The following MEP1A variants were observed in gnomAD, a reference collection of about 807,000 sequenced individuals.
MEP1A encodes meprin A subunit alpha, also known as N-benzoyl-L-tyrosyl-P-amino-benzoic acid hydrolase subunit alpha.
Under a neutral mutation model 84.5 loss-of-function variants are expected in MEP1A, and 68 were observed. That is an observed-to-expected ratio of 0.80 (90% CI 0.66 to 0.98). The LOEUF is 0.98. MEP1A is among the 50% of genes least tolerant of loss of function. The pLI, the probability that MEP1A is intolerant of heterozygous loss-of-function variation, is 0.00. For missense variants in MEP1A, 887 were observed against 919.9 expected, an observed-to-expected ratio of 0.96 and a Z score of 0.46; for synonymous variants, 337 against 336.8, an observed-to-expected ratio of 1.00 and a Z score of -0.01.
rs962804327 is a variant in MEP1A, at chr6:46,835,236, C to T, written c.1784-13C>T. 2 of 1,573,156 alleles carry T rather than the reference C, an allele frequency of 1.3e-6. No individual in the cohort carries two copies. The highest frequency in any genetic ancestry group is 2.7e-5 in the African/African-American group (2 of 72,988). On this transcript the variant is annotated splice_polypyrimidine_tract_variant and intron_variant, in intron 12 of 13. Transcript: ENST00000230588. ...AATCCTGGATCTTCCTCATGACTCTCTATTTCCTGAAGATATCACCCACCT... is the reference window on the plus strand; with the variant it reads ...AATCCTGGATCTTCCTCATGACTCTTTATTTCCTGAAGATATCACCCACCT...
chr6:46,823,447 A>T (rs1767829603), intron 7 of MEP1A, among the ~76,000 whole-genome samples: 1 of 152,180 alleles, frequency 6.6e-6, no homozygotes, highest in South Asian at 2.1e-4. Flanking sequence ...CCTCATCTCT[A>T]CTAAAAATTA....
intron 11 of MEP1A, 143 bp from the exon 12 acceptor site, chr6:46,834,435 A>ATGTT (rs949804926): frequency 5.0e-6 from 1 of 200,636 alleles, no homozygotes; most frequent in Admixed American, 6.2e-5. Flanking sequence ...TTTTATTTTT[A>ATGTT]TATTTATTTA....
chr6:46,842,173 T>C (rs1768342577), downstream of MEP1A, among the ~76,000 whole-genome samples: 6 of 152,200 alleles, frequency 3.9e-5, no homozygotes, highest in South Asian at 1.2e-3. Context: ...ACCATTATTG[T>C]ACAAATAGAT....
At chr6:46,798,159 G>T (rs1462254044) in intron 3 of MEP1A, among the ~76,000 whole-genome samples, 3 of 151,882 alleles carry the variant, frequency 2.0e-5, no homozygotes, top group African/African-American at 7.3e-5. Context: ...GTAGAGACAG[G>T]GTTTTACCAT....
intron 13 of MEP1A, among the ~76,000 whole-genome samples, chr6:46,837,219 T>A (rs952826640): frequency 6.6e-6 from 1 of 152,228 alleles, no homozygotes; most frequent in African/African-American, 2.4e-5. Flanking sequence ...ACCCCGTTAA[T>A]TTGTTTATGT....
rs1415873643 is a variant in MEP1A, at chr6:46,826,398, A to G, written c.823A>G (p.Asn275Asp). ...LLDHCTFEKA[N>D]ICGMIQGTRD... ...GGACCACTGTACTTTTGAGAAGGCA[A>G]ACATCTGTGGAATGATTCAGGGCAC... Residue 275 changes from asparagine (N) to aspartate (D), a missense_variant, in exon 9 of 14, where the codon AAC (asparagine) becomes GAC (aspartate). By Grantham distance (23) the Asn-to-Asp change is conservative (BLOSUM62 1). Coordinates refer to ENST00000230588, the MANE Select transcript of MEP1A (RefSeq NM_005588.3). 1.9e-6 allele frequency: 3 copies of G among 1,610,116 alleles called. No individual in the cohort carries two copies. The highest frequency in any genetic ancestry group is 1.3e-5 in the African/African-American group (1 of 74,884).
chr6:46,822,021 C>A (rs961635252), intron 7 of MEP1A, among the ~76,000 whole-genome samples: 3 of 152,204 alleles, frequency 2.0e-5, no homozygotes, highest in Non-Finnish European at 2.9e-5. Flanking sequence ...CAATGTAATT[C>A]TCTCCCAATG....
In MEP1A at chr6:46,835,443, C is replaced by A. The variant is rs774580821; in HGVS notation, c.1978C>A (p.Pro660Thr). Residue 660 changes from proline (P) to threonine (T), a missense_variant, in exon 13 of 14, where the codon CCC (proline) becomes ACC (threonine). Transcript: ENST00000230588. Reference sequence around the variant, plus strand: ...GAAGCGGTCGGTGGAGAACACAGGCCCCCTGGAGGACCATAACTGGCCACA... The same window carrying A: ...GAAGCGGTCGGTGGAGAACACAGGCACCCTGGAGGACCATAACTGGCCACA... ...RQKRSVENTG[P>T]LEDHNWPQYF... is the part of the protein sequence containing the mutation. The A allele has an allele frequency of 6.2e-7, 1 of 1,612,412 alleles. No individual in the cohort carries two copies. The highest frequency in any genetic ancestry group is 8.5e-7 in the Non-Finnish European group (1 of 1,179,332).
chr6:46,832,423 T>C (rs910322613), intron 10 of MEP1A, among the ~76,000 whole-genome samples: 3 of 152,248 alleles, frequency 2.0e-5, no homozygotes, highest in African/African-American at 7.2e-5. Flanking sequence ...TTCTAGTTCA[T>C]GCTCAGAGAA....
intron 9 of MEP1A, among the ~76,000 whole-genome samples, chr6:46,828,223 A>G (rs1389245396): frequency 6.8e-6 from 1 of 146,250 alleles, no homozygotes; most frequent in African/African-American, 2.6e-5. Context: ...AAACCTTTAT[A>G]GCCTTGTGCG....
Position 46,837,673 on chromosome 6 carries a change from A to T in MEP1A, c.2085-1307A>T, listed in dbSNP as rs562732208. On this transcript the variant is annotated intron_variant, in intron 13 of 13. Transcript: ENST00000230588. The stretch of plus-strand genomic sequence containing the variant: ...ATGTCAGCCTCCACTCAGCCAAACT[A>T]TTGCTCTCCTAGAAACCTGCAGCTG... 6.6e-5 allele frequency among the ~76,000 whole-genome samples: 10 copies of T among 152,250 alleles called. No homozygotes were observed. The South Asian group carries it at 2.1e-3, about 32-fold the overall frequency.
At chr6:46,834,556 T>C (rs1382430820) in intron 11 of MEP1A, 22 bp from the exon 12 acceptor site, 1 of 1,571,038 alleles carries the variant, frequency 6.4e-7, no homozygotes, top group Non-Finnish European at 8.7e-7. Flanking sequence ...AATGTGATTT[T>C]ATGTTACCTA....
intron 3 of MEP1A, among the ~76,000 whole-genome samples, chr6:46,797,283 C>T (rs1335539783): frequency 3.9e-5 from 6 of 152,214 alleles, no homozygotes; most frequent in Admixed American, 6.5e-5. Context: ...TCCAGTGATT[C>T]TGTCTGAAGT....
In MEP1A at chr6:46,826,171, G is replaced by A. The variant is rs115450454; in HGVS notation, c.779-183G>A. 1.9e-3 allele frequency among the ~76,000 whole-genome samples: 290 copies of A among 152,268 alleles called. 5 individuals are homozygous for A. Among genetic ancestry groups the A allele is most frequent in the African/African-American group, 6.6e-3 (276 of 41,548 alleles). On this transcript the variant is annotated intron_variant, in intron 8 of 13. Coordinates refer to ENST00000230588, the MANE Select transcript of MEP1A (RefSeq NM_005588.3). ...TTGACTCTGTGAGGTAGGTAGGGCT[G>A]TGTCTATATATTAGCAAGTACTAAG... is the stretch of plus-strand genomic sequence containing the variant.
chr6:46,831,073 T>C (rs551017442), intron 10 of MEP1A, among the ~76,000 whole-genome samples: 3 of 152,312 alleles, frequency 2.0e-5, no homozygotes, highest in African/African-American at 7.2e-5. Flanking sequence ...TTGTGTTTCA[T>C]TGAATTCAGA....
At chr6:46,809,246 A>T (rs377324272) in intron 5 of MEP1A, among the ~76,000 whole-genome samples, 174 bp from the exon 6 acceptor site, 1 of 152,106 alleles carries the variant, frequency 6.6e-6, no homozygotes, top group East Asian at 1.9e-4. Context: ...AATTTTGCAG[A>T]TGTCCACAAC....
intron 9 of MEP1A, among the ~76,000 whole-genome samples, chr6:46,829,095 T>G (rs1408041427): frequency 1.3e-5 from 2 of 152,230 alleles, no homozygotes; most frequent in African/African-American, 4.8e-5. Flanking sequence ...CTGTGTTTCT[T>G]TAAGTCAAAG....
At chr6:46,800,058 T>C (rs1445852338) in intron 5 of MEP1A, among the ~76,000 whole-genome samples, 2 of 152,248 alleles carry the variant, frequency 1.3e-5, no homozygotes, top group Non-Finnish European at 2.9e-5. Flanking sequence ...CAGCTAGATA[T>C]AAACAAATGT....
rs555482919 is a variant in MEP1A at position 46,833,553 on chromosome 6, C to A, written c.1609+15C>A. The A allele has an allele frequency of 2.5e-6, 4 of 1,599,822 alleles. No individual in the cohort carries two copies. Among genetic ancestry groups the A allele is most frequent in the East Asian group, 2.2e-5 (1 of 44,794 alleles). ...CACATCTCCAGGTGGGTGGTGTCAG[C>A]GCAAATAAGAACTGCCCCTTGAACC... On this transcript the variant is annotated intron_variant, in intron 11 of 13. Transcript: ENST00000230588.
Sources: allele counts gnomAD v4.1 joint callset (sites outside exome capture counted in the v4.1 genomes callset), GRCh38; gene constraint gnomAD v4.1.1; transcripts MANE v1.5; gene names NCBI Gene and HGNC (gene_info 2026-07-23, HGNC 2026-07-21).